SLC25A17: variants seen among roughly 807,000 people sequenced by gnomAD.
The protein encoded by SLC25A17 is solute carrier family 25 member 17, also known as peroxisomal membrane protein PMP34.
SLC25A17 carries 26 observed loss-of-function variants against 38.5 expected under a neutral mutation model. The observed-to-expected ratio is 0.68, with a 90% CI of 0.50 to 0.94. SLC25A17 has a LOEUF of 0.94. SLC25A17 is among the 40% of genes least tolerant of loss of function. SLC25A17 has a pLI of 0.00. For missense variants in SLC25A17, 333 were observed against 372.7 expected, an observed-to-expected ratio of 0.89 and a Z score of 0.88; for synonymous variants, 139 against 136.2, an observed-to-expected ratio of 1.02 and a Z score of -0.14.
At chr22:40,814,777 ATATATATATATATTG>A (rs1435876457) in intron 1 of SLC25A17, among the ~76,000 whole-genome samples, 3 of 70,668 alleles carry the variant, frequency 4.2e-5, no homozygotes, top group African/African-American at 1.1e-4. Flanking sequence ...ATATATATAT[ATATATATATATATTG>A]TTGTTGTTGT....
chr22:40,810,207 T>C (rs760014384), intron 1 of SLC25A17, among the ~76,000 whole-genome samples: 3 of 152,172 alleles, frequency 2.0e-5, no homozygotes, highest in Non-Finnish European at 2.9e-5. Flanking sequence ...CAGTGTCTTT[T>C]TGTATACTGG....
At chr22:40,790,980 G>A (rs1328353422) in intron 4 of SLC25A17, among the ~76,000 whole-genome samples, 3 of 152,160 alleles carry the variant, frequency 2.0e-5, no homozygotes, top group African/African-American at 7.2e-5. Flanking sequence ...TCTCAAACTT[G>A]AGTTCTTTGA....
intron 5 of SLC25A17, among the ~76,000 whole-genome samples, chr22:40,778,236 C>T (rs1325499716): frequency 6.6e-6 from 1 of 152,182 alleles, no homozygotes; most frequent in South Asian, 2.1e-4. Flanking sequence ...AAATATTCAT[C>T]CCCTCCCATT....
chr22:40,783,517 G>A (rs1278648154), intron 4 of SLC25A17, among the ~76,000 whole-genome samples: 1 of 151,908 alleles, frequency 6.6e-6, no homozygotes. Context: ...GTTTTTTTGA[G>A]ACATGGTCTT....
intron 4 of SLC25A17, chr22:40,784,598 C>A: frequency 4.0e-6 from 1 of 247,280 alleles, no homozygotes; most frequent in South Asian, 3.9e-5. Flanking sequence ...CACAGAAAGA[C>A]CCCCATCTGT....
At chr22:40,817,805 T>C (rs2057657817) in intron 1 of SLC25A17, among the ~76,000 whole-genome samples, 1 of 152,090 alleles carries the variant, frequency 6.6e-6, no homozygotes, top group Non-Finnish European at 1.5e-5. Flanking sequence ...TCTCACACAA[T>C]TTGGCCCCCT....
rs138316 is a variant in SLC25A17, at chr22:40,811,259, G to GTT, written c.54+7934_54+7935dup. ...GTATTAACTTTTATTTTTAATTTTT[G>GTT]TTTTTTTTTTTAGTAGAGATGCGGT... On this transcript the variant is annotated intron_variant, in intron 1 of 8. Coordinates refer to ENST00000435456, the MANE Select transcript of SLC25A17 (RefSeq NM_006358.4). Among the ~76,000 whole-genome samples the GTT allele has an allele frequency of 4.7e-3, 681 of 145,748 alleles. 6 individuals carry two copies. Among genetic ancestry groups the GTT allele is most frequent in the African/African-American group, 0.013 (522 of 39,762 alleles).
intron 4 of SLC25A17, among the ~76,000 whole-genome samples, chr22:40,783,166 A>G (rs1193106661): frequency 1.3e-5 from 2 of 152,260 alleles, no homozygotes; most frequent in Non-Finnish European, 2.9e-5. Flanking sequence ...GAAAAAGAGA[A>G]GACCTACAAT....
Position 40,773,958 on chromosome 22 carries a change from TAG to T in SLC25A17, c.753_754del (p.Tyr252SerfsTer19), listed in dbSNP as rs777139341. The T allele has an allele frequency of 6.2e-7, 1 of 1,611,172 alleles. No individual in the cohort carries two copies. Among genetic ancestry groups the T allele is most frequent in the Non-Finnish European group, 8.5e-7 (1 of 1,177,388 alleles). Reference sequence around the variant, plus strand: ...TCACCTTACTCGTTGGTGAAGAAGATAGAGAATATTCCGAAGACTTCCCAATG... The same window carrying T: ...TCACCTTACTCGTTGGTGAAGAAGATAGAATATTCCGAAGACTTCCCAATG... On this transcript the variant is annotated frameshift_variant, in exon 8 of 9. Coordinates refer to ENST00000435456, the MANE Select transcript of SLC25A17 (RefSeq NM_006358.4). LOFTEE classifies it high-confidence loss of function.
At chr22:40,772,887 T>C in intron 8 of SLC25A17, among the ~76,000 whole-genome samples, 1 of 152,094 alleles carries the variant, frequency 6.6e-6, no homozygotes. Context: ...TATCCTCCTG[T>C]CTCAGCCTTC....
chr22:40,796,866 G>A (rs966066096), intron 2 of SLC25A17, among the ~76,000 whole-genome samples: 17 of 152,130 alleles, frequency 1.1e-4, no homozygotes, highest in African/African-American at 1.9e-4. Context: ...AACACTCCAC[G>A]GCTGTAAGAC....
At chr22:40,814,831 T>C (rs2057622315) in intron 1 of SLC25A17, among the ~76,000 whole-genome samples, 1 of 150,554 alleles carries the variant, frequency 6.6e-6, no homozygotes, top group Non-Finnish European at 1.5e-5. Context: ...TGGTTTTTTT[T>C]GTTTTTGAGA....
At chr22:40,795,899 T>G (rs1484687760) in intron 2 of SLC25A17, among the ~76,000 whole-genome samples, 2 of 152,120 alleles carry the variant, frequency 1.3e-5, no homozygotes, top group Non-Finnish European at 2.9e-5. Context: ...GCAATTCTCC[T>G]GCCTTAGCCT....
intron 1 of SLC25A17, among the ~76,000 whole-genome samples, chr22:40,816,609 G>GTTT (rs55809010): frequency 2.9e-5 from 4 of 137,978 alleles, no homozygotes; most frequent in Non-Finnish European, 3.1e-5. Context: ...ATTTTTTATT[G>GTTT]TTTTTTTTTT....
chr22:40,805,784 C>T (rs1183629976), intron 1 of SLC25A17, among the ~76,000 whole-genome samples: 2 of 152,074 alleles, frequency 1.3e-5, no homozygotes, highest in Non-Finnish European at 2.9e-5. Flanking sequence ...GTGAGACCCA[C>T]ATCAGTCTGA....
chr22:40,799,392 CTTGTTCTG>C (rs1252256986), intron 1 of SLC25A17, among the ~76,000 whole-genome samples: 4 of 141,788 alleles, frequency 2.8e-5, no homozygotes, highest in Non-Finnish European at 6.0e-5. Context: ...GAGATGGAGT[CTTGTTCTG>C]TTGCCCAGGC....
intron 1 of SLC25A17, among the ~76,000 whole-genome samples, chr22:40,805,210 C>T (rs1215591013): frequency 1.3e-5 from 2 of 152,202 alleles, no homozygotes; most frequent in African/African-American, 4.8e-5. Flanking sequence ...TGGCACACGC[C>T]TGTAATCCCA....
chr22:40,807,199 A>T (rs2057538073), intron 1 of SLC25A17, among the ~76,000 whole-genome samples: 1 of 152,218 alleles, frequency 6.6e-6, no homozygotes, highest in Admixed American at 6.5e-5. Flanking sequence ...ATTAAATACC[A>T]CTGAACTATG....
intron 3 of SLC25A17, among the ~76,000 whole-genome samples, chr22:40,793,053 C>CAA (rs554746759): frequency 7.2e-6 from 1 of 138,954 alleles, no homozygotes; most frequent in Non-Finnish European, 1.6e-5. Flanking sequence ...AAATAAGTAT[C>CAA]AAAAAAAAAA....
Sources: gnomAD v4.1 joint callset for allele counts (sites outside exome capture counted in the v4.1 genomes callset) on GRCh38, gnomAD v4.1.1 for gene constraint, MANE v1.5 for transcripts, NCBI Gene and HGNC (gene_info 2026-07-23, HGNC 2026-07-21) for gene names.